The following GPS1 variants were observed in gnomAD, a reference collection of about 807,000 sequenced individuals.
GPS1 encodes G protein pathway suppressor 1.
In GPS1, 11 loss-of-function variants were observed where a neutral mutation model predicts 60.0. The observed-to-expected ratio is 0.18, with a 90% CI of 0.12 to 0.30. The LOEUF is 0.30. GPS1 is among the 10% of genes least tolerant of loss of function. The probability of loss-of-function intolerance (pLI) is 1.00; values close to 1 mark genes in which losing one functional copy is unlikely to be tolerated. For synonymous variants in GPS1, 343 were observed against 269.8 expected (o/e 1.27, Z -2.66); for missense variants, 543 against 669.2 (o/e 0.81, Z 2.08).
upstream of GPS1, chr17:82,051,362 T>C: frequency 2.1e-6 from 3 of 1,461,404 alleles, no homozygotes; most frequent in Non-Finnish European, 2.7e-6. This position sits in a 1 kb window ranked among gnomAD's most constrained non-coding sequence, Gnocchi z 4.1. Flanking sequence ...AAACAATCTA[T>C]GAGGCTTCTG....
chr17:82,051,619 G>T, upstream of GPS1: 1 of 1,211,314 alleles, frequency 8.3e-7, no homozygotes, highest in Non-Finnish European at 1.0e-6. The surrounding 1 kb of genome is among the most constrained non-coding windows in gnomAD (Gnocchi z 4.1). Flanking sequence ...GGGGCAGCGG[G>T]CCGGGACGGG....
rs756332203 is a variant in GPS1 at position 82,052,216 on chromosome 17, T to C, written c.33+252T>C. The C allele has an allele frequency of 1.1e-5, 17 of 1,523,934 alleles. No homozygotes were observed. In the African/African-American group the frequency reaches 2.4e-4, roughly 21 times the overall value. 94.4% of individuals were successfully genotyped at this position (1,523,934 alleles called of 1,614,324 possible). On this transcript the variant is annotated intron_variant, in intron 1 of 12. Transcript: ENST00000578552. ...CCCTCCCAGCAGCTCACGGGAGAGG[T>C]TCCCGGCCGCCCCGACGCTAACGCT...
upstream of GPS1, chr17:82,051,537 A>AGCC: frequency 7.1e-7 from 1 of 1,400,186 alleles, no homozygotes; most frequent in Non-Finnish European, 9.3e-7. The surrounding 1 kb of genome is among the most constrained non-coding windows in gnomAD (Gnocchi z 4.1). Context: ...GCGCAGCAGC[A>AGCC]GCCGCAGGCG....
chr17:82,053,120 G>A (rs2031454397), intron 1 of GPS1, 154 bp from the exon 2 acceptor site: 5 of 497,494 alleles, frequency 1.0e-5, no homozygotes, highest in Middle Eastern at 5.3e-4. Flanking sequence ...GGGGGTGACT[G>A]GGAGGGCACA....
In GPS1 at chr17:82,052,506, G is replaced by A. The variant is rs765179699; in HGVS notation, c.33+542G>A. On this transcript the variant is annotated intron_variant, in intron 1 of 12. Coordinates refer to ENST00000578552, the MANE Select transcript of GPS1 (RefSeq NM_001321092.3). ...CCCGAGCGAGGGAGGGGGGAGCAGG[G>A]CCCCGGCCGCCCCTGCTGTGGCTGG... is the stretch of plus-strand genomic sequence containing the variant. The A allele has an allele frequency of 5.7e-6, 9 of 1,577,930 alleles. No homozygotes were observed. The African/African-American group carries it at 1.2e-4, about 21-fold the overall frequency.
intron 1 of GPS1, chr17:82,052,563 A>T: frequency 7.3e-7 from 1 of 1,367,662 alleles, no homozygotes; most frequent in Non-Finnish European, 9.9e-7. Context: ...GAGGACAGGG[A>T]CTCAGTGCCA....
chr17:82,054,015 G>A lies in GPS1; in HGVS notation c.274G>A (p.Glu92Lys). 2 of 1,612,168 alleles carry A rather than the reference G, an allele frequency of 1.2e-6. No homozygotes were observed. The highest frequency in any genetic ancestry group is 8.5e-7 in the Non-Finnish European group (1 of 1,179,516). The change falls in exon 3 of 13, where the codon GAG (glutamate) becomes AAG (lysine). Residue 92 changes from glutamate (E) to lysine (K), a missense_variant. This residue lies in a region of GPS1 where 181 missense variants were observed against 188.8 expected (regional missense o/e 0.96). Coordinates refer to ENST00000578552, the MANE Select transcript of GPS1 (RefSeq NM_001321092.3). ...GAGAACCTTTAACGTGGACATGTAC[G>A]AGGAGATCCACCGCAAGCTCTCAGA... is the stretch of plus-strand genomic sequence containing the variant. ...VQRTFNVDMY[E>K]EIHRKLSEAT...
In GPS1 at chr17:82,056,557, GT is replaced by G; in HGVS notation, c.1116+8del. On this transcript the variant is annotated splice_region_variant and intron_variant, in intron 10 of 12. Transcript: ENST00000578552. ...CAACCGTGCCCTCATCCAGGTAAGC[GT>G]GGGGGTCAGGCTGGCACACGGCAGG... The G allele has an allele frequency of 6.2e-7, 1 of 1,612,754 alleles. No individual in the cohort carries two copies. The highest frequency in any genetic ancestry group is 8.5e-7 in the Non-Finnish European group (1 of 1,179,978).
chr17:82,056,582 G>T, intron 10 of GPS1, 32 bp downstream of exon 10: 2 of 1,612,624 alleles, frequency 1.2e-6, no homozygotes, highest in Admixed American at 1.7e-5. Flanking sequence ...GCACACGGCA[G>T]GCGGGCATGC....
Position 82,056,779 on chromosome 17 carries a change from T to G in GPS1, c.1254+13T>G. 1 of 1,600,378 alleles carries G rather than the reference T, an allele frequency of 6.2e-7. No homozygotes were observed. Among genetic ancestry groups the G allele is most frequent in the Non-Finnish European group, 8.5e-7 (1 of 1,172,876 alleles). On this transcript the variant is annotated intron_variant, in intron 11 of 12. Coordinates refer to ENST00000578552, the MANE Select transcript of GPS1 (RefSeq NM_001321092.3). The stretch of plus-strand genomic sequence containing the variant: ...CTCACACAGCAAGGTGGCTGTGGGC[T>G]GCGGGGCGGTGGGGGCAGCTGGGGG...
At chr17:82,054,095 G>A (rs1749036097) in intron 3 of GPS1, 46 bp downstream of exon 3, 1 of 1,552,566 alleles carries the variant, frequency 6.4e-7, no homozygotes, top group African/African-American at 1.4e-5. Context: ...CACCAAGGGA[G>A]CGCGGGTGTC....
In GPS1 at chr17:82,056,500, C is replaced by A; in HGVS notation, c.1066C>A (p.Pro356Thr). The change falls in exon 10 of 13, where the codon CCC becomes ACC. Residue 356 changes from proline to threonine, a missense_variant. By Grantham distance (38) the Pro-to-Thr change is conservative. Transcript: ENST00000578552. ...CCTGCTCCTGGACATGTATCTGGCC[C>A]CCCATGTCAGGACCCTGTACACCCA... ...DNLLLDMYLA[P>T]HVRTLYTQIR... The A allele has an allele frequency of 6.2e-7, 1 of 1,613,174 alleles. No homozygotes were observed.
chr17:82,056,014 G>C lies in GPS1; in HGVS notation c.848G>C (p.Ser283Thr). ...HCDFPELLSP[S>T]NVAIYGGLCA... is the part of the protein sequence containing the mutation. ...TCTGCTCCTCAGCTGCTGTCCCCCA[G>C]CAACGTGGCCATCTACGGTGGCCTG... The change falls in exon 8 of 13, where the codon AGC (serine) becomes ACC (threonine). Residue 283 changes from serine to threonine, a missense_variant. Ser to Thr is a moderately conservative substitution (Grantham distance 58). This residue lies in a region of GPS1 where 291 missense variants were observed against 353.7 expected (regional missense o/e 0.82). Transcript: ENST00000578552. 1 of 1,612,138 alleles carries C rather than the reference G, an allele frequency of 6.2e-7. No individual in the cohort carries two copies. Among genetic ancestry groups the C allele is most frequent in the East Asian group, 2.2e-5 (1 of 44,884 alleles).
At chr17:82,056,245 G>A (rs756002779) in intron 8 of GPS1, 41 bp from the exon 9 acceptor site, 2 of 1,455,484 alleles carry the variant, frequency 1.4e-6, no homozygotes, top group Middle Eastern at 1.8e-4. Context: ...TGGAGGGAGG[G>A]GCAGGCAGAG....
chr17:82,051,022 A>G, upstream of GPS1: 1 of 1,401,636 alleles, frequency 7.1e-7, no homozygotes. This position sits in a 1 kb window ranked among gnomAD's most constrained non-coding sequence, Gnocchi z 4.1. Context: ...CTGGCCTGGA[A>G]GGGCGGATTC....
chr17:82,053,749 T>G, intron 2 of GPS1, 119 bp from the exon 3 acceptor site: 1 of 1,002,998 alleles, frequency 1.0e-6, no homozygotes, highest in Non-Finnish European at 1.4e-6. Flanking sequence ...CCGGTTCTGG[T>G]TATGGGCCCA....
In GPS1 at chr17:82,055,188, C is replaced by G. The variant is rs11539402; in HGVS notation, c.714C>G (p.Thr238=). The stretch of plus-strand genomic sequence containing the variant: ...AGCGAGGAGAGCGTGACAGCCAGAC[C>G]CAGGCCATCCTCACCAAGCTCAAGT... ...AEQRGERDSQ[T]QAILTKLKCA... The change falls in exon 6 of 13, where the codon ACC becomes ACG. Residue 238 remains threonine (T), a synonymous_variant. Coordinates refer to ENST00000578552, the MANE Select transcript of GPS1 (RefSeq NM_001321092.3). The G allele has an allele frequency of 7.3e-3, 11,431 of 1,560,680 alleles. 732 individuals carry two copies. The African/African-American group carries it at 0.14, about 19-fold the overall frequency.
chr17:82,055,712 C>A (rs556686902), intron 6 of GPS1, 28 bp from the exon 7 acceptor site: 108 of 1,477,534 alleles, frequency 7.3e-5, no homozygotes, highest in Admixed American at 1.8e-4. Context: ...CCCTCTCCCC[C>A]CTCCCCGCCC....
At position 82,057,149 on chromosome 17, in the gene GPS1, GACA is replaced by G; in HGVS notation, c.*23_*25del. ...GTGAGGGGTGAACCTTGGCCTCCAG[GACA>G]TCTGCACCCCCTCCCCACCTCCACG... On this transcript the variant is annotated 3_prime_UTR_variant, in exon 13 of 13. Coordinates refer to ENST00000578552, the MANE Select transcript of GPS1 (RefSeq NM_001321092.3). 6.4e-7 allele frequency: 1 copy of G among 1,567,524 alleles called. No homozygotes were observed. The highest frequency in any genetic ancestry group is 1.2e-5 in the South Asian group (1 of 84,014).
Sources: gnomAD v4.1 joint callset for allele counts on GRCh38, gnomAD v4.1.1 for gene constraint, gnomAD v4.1.1 regional missense constraint, Gnocchi (gnomAD v3.1) non-coding constraint, MANE v1.5 for transcripts, NCBI Gene and HGNC (gene_info 2026-07-23, HGNC 2026-07-21) for gene names.